The following TIE1 variants were observed in gnomAD, a reference collection of about 807,000 sequenced individuals.
The protein encoded by TIE1 is tyrosine-protein kinase receptor Tie-1.
In TIE1, 89 loss-of-function variants were observed where a neutral mutation model predicts 130.5. The observed-to-expected ratio is 0.68, with a 90% CI of 0.57 to 0.81. The LOEUF is 0.81. Among genes scored for constraint, TIE1 ranks in the 40% least tolerant of loss-of-function variants. The pLI, the probability that TIE1 is intolerant of heterozygous loss-of-function variation, is 0.00. For missense variants in TIE1, 1,392 were observed against 1,559.8 expected (o/e 0.89, Z 1.81); for synonymous variants, 568 against 629.4 (o/e 0.90, Z 1.46).
chr1:43,314,056 T>C (rs1209180996), intron 14 of TIE1, 88 bp downstream of exon 14: 3 of 1,127,516 alleles, frequency 2.7e-6, no homozygotes, highest in Middle Eastern at 3.9e-4. Context: ...GTACACCTTG[T>C]GTGTGTGTGT....
rs1246941835 is a variant in TIE1, at chr1:43,313,155, C to T, written c.1948C>T (p.Leu650Phe). 1.9e-6 allele frequency: 3 copies of T among 1,609,268 alleles called. No individual in the cohort carries two copies. Among genetic ancestry groups the T allele is most frequent in the African/African-American group, 1.3e-5 (1 of 74,924 alleles). ...PPSGPPAPRHLHAQALSDSEI... is the reference protein window; with the variant it reads ...PPSGPPAPRHFHAQALSDSEI... ...CCCAGGGCCTCCAGCCCCCCGACAC[C>T]TCCACGCCCAGGCCCTCTCAGACTC... Residue 650 changes from leucine to phenylalanine, a missense_variant, in exon 13 of 23, where the codon CTC (leucine) becomes TTC (phenylalanine). Physicochemically the swap from Leu to Phe is conservative, Grantham distance 22 (BLOSUM62 0). Transcript: ENST00000372476. This position sits in a 1 kb window ranked among gnomAD's most constrained non-coding sequence, Gnocchi z 6.2.
At position 43,312,197 on chromosome 1, in the gene TIE1, C is replaced by CCCT; in HGVS notation, c.1630+67_1630+69dup. ...TTACTTTCCCGTCGACCCCAGGGACCCCTGCCTTTCCCACTGGAGGTTGTT... is the reference window on the plus strand; with the variant it reads ...TTACTTTCCCGTCGACCCCAGGGACCCCTCCTGCCTTTCCCACTGGAGGTTGTT... On this transcript the variant is annotated intron_variant, in intron 11 of 22. Transcript: ENST00000372476. This position sits in a 1 kb window ranked among gnomAD's most constrained non-coding sequence, Gnocchi z 5.6. The CCCT allele has an allele frequency of 1.3e-6, 2 of 1,512,994 alleles. No individual in the cohort carries two copies. Among genetic ancestry groups the CCCT allele is most frequent in the Non-Finnish European group, 1.8e-6 (2 of 1,130,724 alleles). The allele number at this position is 1,512,994 out of a possible 1,614,324, so 93.7% of individuals were successfully genotyped here.
Position 43,319,121 on chromosome 1 carries a change from G to A in TIE1, c.2923-114G>A. On this transcript the variant is annotated intron_variant, in intron 17 of 22. Transcript: ENST00000372476. This position sits in a 1 kb window ranked among gnomAD's most constrained non-coding sequence, Gnocchi z 4.7. Reference sequence around the variant, plus strand: ...GACGAGATTGCAGCCAGGAGGGTAGGAGTATGGGGTATTGAAGGTAACAAG... The same window carrying A: ...GACGAGATTGCAGCCAGGAGGGTAGAAGTATGGGGTATTGAAGGTAACAAG... 1 of 743,504 alleles carries A rather than the reference G, an allele frequency of 1.3e-6. No homozygotes were observed. The highest frequency in any genetic ancestry group is 2.5e-5 in the East Asian group (1 of 39,548). The allele number at this position is 743,504 out of a possible 1,614,324, so 46.1% of individuals were successfully genotyped here.
At chr1:43,305,364 T>A in intron 3 of TIE1, 21 bp downstream of exon 3, 1 of 1,525,372 alleles carries the variant, frequency 6.6e-7, no homozygotes, top group Non-Finnish European at 8.8e-7. Flanking sequence ...GCATTTGAAC[T>A]GGTGGGGAGG....
At position 43,315,926 on chromosome 1, in the gene TIE1, G is replaced by T. The variant is rs768318639; in HGVS notation, c.2410-1273G>T. Among the ~76,000 whole-genome samples, 2 of 152,154 alleles carry T rather than the reference G, an allele frequency of 1.3e-5. No homozygotes were observed. The highest frequency in any genetic ancestry group is 2.9e-5 in the Non-Finnish European group (2 of 68,042). ...ATATGAAAATTAGATGGGCGTGGAG[G>T]TGTGCACCTGTGGTCCCAACTACTC... On this transcript the variant is annotated intron_variant, in intron 14 of 22. Coordinates refer to ENST00000372476, the MANE Select transcript of TIE1 (RefSeq NM_005424.5). The surrounding 1 kb of genome is among the most constrained non-coding windows in gnomAD (Gnocchi z 4.4).
At chr1:43,304,215 G>A (rs1451172329) in intron 1 of TIE1, among the ~76,000 whole-genome samples, 2 of 152,204 alleles carry the variant, frequency 1.3e-5, no homozygotes, top group Non-Finnish European at 2.9e-5. Context: ...GATTCCAGGC[G>A]TGAGCCACCG....
chr1:43,307,442 G>C lies in TIE1; in HGVS notation c.783G>C (p.Glu261Asp), dbSNP rs1171161901. ...ACACTCTCTTTCTAGCCTGCAGAGA[G>C]GGCCGTTTTGGGCAGAGCTGCCAGG... ...TGTRCEQACREGRFGQSCQEQ... is the reference protein window; with the variant it reads ...TGTRCEQACRDGRFGQSCQEQ... Residue 261 changes from glutamate to aspartate, a missense_variant, in exon 6 of 23, where the codon GAG (glutamate) becomes GAC (aspartate). Around this residue, in one of 6 missense-constraint regions of TIE1, gnomAD observed 415 missense variants for 424.8 expected, o/e 0.98. Coordinates refer to ENST00000372476, the MANE Select transcript of TIE1 (RefSeq NM_005424.5). This position sits in a 1 kb window ranked among gnomAD's most constrained non-coding sequence, Gnocchi z 5.4. 1 of 1,614,148 alleles carries C rather than the reference G, an allele frequency of 6.2e-7. No homozygotes were observed. The highest frequency in any genetic ancestry group is 8.5e-7 in the Non-Finnish European group (1 of 1,180,012).
At position 43,312,690 on chromosome 1, in the gene TIE1, G is replaced by A. The variant is rs1646812051; in HGVS notation, c.1927+89G>A. The stretch of plus-strand genomic sequence containing the variant: ...GACCTAGGAGACACGGGAGGCTGTA[G>A]GAGATTAATGGACATGGAGAGGACA... On this transcript the variant is annotated intron_variant, in intron 12 of 22. Transcript: ENST00000372476. The surrounding 1 kb of genome is among the most constrained non-coding windows in gnomAD (Gnocchi z 5.6). The A allele has an allele frequency of 3.5e-6, 5 of 1,419,438 alleles. No homozygotes were observed. The highest frequency in any genetic ancestry group is 4.7e-6 in the Non-Finnish European group (5 of 1,053,984). The allele number at this position is 1,419,438 out of a possible 1,614,324, so 87.9% of individuals were successfully genotyped here.
rs545348991 is a variant in TIE1 at position 43,301,933 on chromosome 1, C to G, written c.58+804C>G. 2.6e-5 allele frequency among the ~76,000 whole-genome samples: 4 copies of G among 152,260 alleles called. No homozygotes were observed. The East Asian group carries it at 7.7e-4, about 29-fold the overall frequency. On this transcript the variant is annotated intron_variant, in intron 1 of 22. Coordinates refer to ENST00000372476, the MANE Select transcript of TIE1 (RefSeq NM_005424.5). ...CACCACAACAAAAAATTTTGGAAAA[C>G]AAGCCCTATCATCACTGCCATCACT...
In TIE1 at chr1:43,311,793, C is replaced by A; in HGVS notation, c.1456C>A (p.Pro486Thr). Residue 486 changes from proline to threonine, a missense_variant, in exon 10 of 23, where the codon CCC becomes ACC. This residue lies in a region of TIE1 where 551 missense variants were observed against 565.5 expected (regional missense o/e 0.97). Coordinates refer to ENST00000372476, the MANE Select transcript of TIE1 (RefSeq NM_005424.5). ...CTCCACTGTCCGCCTGCACTACCGG[C>A]CCCAGGACAGTACCATGGACTGGTC... ...PISTVRLHYR[P>T]QDSTMDWSTI... is the part of the protein sequence containing the mutation. 1 of 1,614,012 alleles carries A rather than the reference C, an allele frequency of 6.2e-7. No individual in the cohort carries two copies. The highest frequency in any genetic ancestry group is 8.5e-7 in the Non-Finnish European group (1 of 1,179,954).
chr1:43,310,866 G>A (rs931601424), intron 9 of TIE1, among the ~76,000 whole-genome samples: 5 of 152,110 alleles, frequency 3.3e-5, no homozygotes, highest in East Asian at 1.9e-4. Flanking sequence ...AGCTTACAGC[G>A]CGGCATCCTT....
rs1158298282 is a variant in TIE1, at chr1:43,304,957, C to T, written c.165C>T (p.Asp55=). The stretch of plus-strand genomic sequence containing the variant: ...AGGCCGGGGCGGGGAGGGGCTCGGA[C>T]GCCTGGGGCCCGCCCCTGCTGCTGG... The part of the protein sequence containing the change: ...SGEAGAGRGS[D]AWGPPLLLEK... The change falls in exon 2 of 23, where the codon GAC becomes GAT. Residue 55 remains aspartate, a synonymous_variant. Coordinates refer to ENST00000372476, the MANE Select transcript of TIE1 (RefSeq NM_005424.5). 12 of 1,453,484 alleles carry T rather than the reference C, an allele frequency of 8.3e-6. No homozygotes were observed. The highest frequency in any genetic ancestry group is 1.4e-5 in the African/African-American group (1 of 69,236). 90.0% of individuals were successfully genotyped at this position (1,453,484 alleles called of 1,614,324 possible).
Position 43,313,365 on chromosome 1 carries a change from G to A in TIE1, c.2158G>A (p.Ala720Thr), listed in dbSNP as rs779487115. Residue 720 changes from alanine (A) to threonine (T), a missense_variant, in exon 13 of 23, where the codon GCC becomes ACC. Coordinates refer to ENST00000372476, the MANE Select transcript of TIE1 (RefSeq NM_005424.5). The surrounding 1 kb of genome is among the most constrained non-coding windows in gnomAD (Gnocchi z 6.2). Reference protein sequence around the residue: ...ASTRYLFRMRASIQGLGDWSN... With the variant: ...ASTRYLFRMRTSIQGLGDWSN... ...CACGCGCTACCTCTTCCGCATGCGG[G>A]CCAGCATTCAGGGGCTCGGGGACTG... is the stretch of plus-strand genomic sequence containing the variant. The A allele has an allele frequency of 6.2e-7, 1 of 1,613,916 alleles. No homozygotes were observed. Among genetic ancestry groups the A allele is most frequent in the Non-Finnish European group, 8.5e-7 (1 of 1,179,960 alleles).
At chr1:43,314,531 G>A in intron 14 of TIE1, 3 of 999,606 alleles carry the variant, frequency 3.0e-6, no homozygotes, top group Non-Finnish European at 3.6e-6. Flanking sequence ...CCTCCTTTTG[G>A]AGACTTAAGA....
In TIE1 at chr1:43,312,645, T is replaced by C. The variant is rs1557448359; in HGVS notation, c.1927+44T>C. The C allele has an allele frequency of 8.4e-6, 13 of 1,554,216 alleles. No individual in the cohort carries two copies. The highest frequency in any genetic ancestry group is 1.1e-5 in the Non-Finnish European group (13 of 1,149,242). The stretch of plus-strand genomic sequence containing the variant: ...GATAGCTGGGGGTTGGGGGAGGACG[T>C]GGGACACAGGGACACATGAGACCTA... On this transcript the variant is annotated intron_variant, in intron 12 of 22. Transcript: ENST00000372476. This position sits in a 1 kb window ranked among gnomAD's most constrained non-coding sequence, Gnocchi z 5.6.
chr1:43,309,016 C>T lies in TIE1; in HGVS notation c.1073C>T (p.Ser358Leu). 1 of 1,614,056 alleles carries T rather than the reference C, an allele frequency of 6.2e-7. No individual in the cohort carries two copies. The highest frequency in any genetic ancestry group is 8.5e-7 in the Non-Finnish European group (1 of 1,179,978). The change falls in exon 8 of 23, where the codon TCA becomes TTA. Residue 358 changes from serine to leucine, a missense_variant. Coordinates refer to ENST00000372476, the MANE Select transcript of TIE1 (RefSeq NM_005424.5). This position sits in a 1 kb window ranked among gnomAD's most constrained non-coding sequence, Gnocchi z 6.3. The part of the protein sequence containing the change: ...DRIPQILNMA[S>L]ELEFNLETMP... ...ATCCCCCAGATCCTCAACATGGCCT[C>T]AGAACTGGAGTTCAACTTAGAGACG...
chr1:43,317,792 C>T lies in TIE1; in HGVS notation c.2732-90C>T. 3 of 1,515,664 alleles carry T rather than the reference C, an allele frequency of 2.0e-6. No individual in the cohort carries two copies. The East Asian group carries it at 6.8e-5, about 34-fold the overall frequency. 93.9% of individuals were successfully genotyped at this position (1,515,664 alleles called of 1,614,324 possible). On this transcript the variant is annotated intron_variant, in intron 16 of 22. Coordinates refer to ENST00000372476, the MANE Select transcript of TIE1 (RefSeq NM_005424.5). The surrounding 1 kb of genome is among the most constrained non-coding windows in gnomAD (Gnocchi z 5.1). ...TGACCTGTGCACCACCCTTGATCCTCCTTCATCCCTGTCTGTTACCATCGG... is the reference window on the plus strand; with the variant it reads ...TGACCTGTGCACCACCCTTGATCCTTCTTCATCCCTGTCTGTTACCATCGG...
rs772242897 is a variant in TIE1 at position 43,312,497 on chromosome 1, C to G, written c.1823C>G (p.Thr608Arg). The change falls in exon 12 of 23, where the codon ACG (threonine) becomes AGG (arginine). Residue 608 changes from threonine (T) to arginine (R), a missense_variant. This residue lies in a region of TIE1 where 551 missense variants were observed against 565.5 expected (regional missense o/e 0.97). Transcript: ENST00000372476. The surrounding 1 kb of genome is among the most constrained non-coding windows in gnomAD (Gnocchi z 5.6). The stretch of plus-strand genomic sequence containing the variant: ...CCCCAGGCCCGCACTGCCCTCCTGA[C>G]GGGACTCACGCCTGGCACCCACTAC... Reference protein sequence around the residue: ...SSPQARTALLTGLTPGTHYQL... With the variant: ...SSPQARTALLRGLTPGTHYQL... 6 of 1,613,014 alleles carry G rather than the reference C, an allele frequency of 3.7e-6. No homozygotes were observed. Among genetic ancestry groups the G allele is most frequent in the Middle Eastern group, 3.3e-4 (2 of 6,048 alleles).
intron 14 of TIE1, 79 bp downstream of exon 14, chr1:43,314,047 T>C: frequency 1.4e-6 from 2 of 1,421,118 alleles, no homozygotes; most frequent in Non-Finnish European, 9.9e-7. Context: ...CAATACCTTG[T>C]ACACCTTGTG....
Sources: gnomAD v4.1 joint callset for allele counts (sites outside exome capture counted in the v4.1 genomes callset) on GRCh38, gnomAD v4.1.1 for gene constraint, gnomAD v4.1.1 regional missense constraint, Gnocchi (gnomAD v3.1) non-coding constraint, MANE v1.5 for transcripts, NCBI Gene and HGNC (gene_info 2026-07-23, HGNC 2026-07-21) for gene names.